The following ZMYND8 variants were observed in gnomAD, a reference collection of about 807,000 sequenced individuals.
The protein encoded by ZMYND8 is MYND-type zinc finger-containing chromatin reader ZMYND8.
ZMYND8 carries 37 observed loss-of-function variants against 140.8 expected under a neutral mutation model. The observed-to-expected ratio is 0.26, with a 90% CI of 0.20 to 0.35. ZMYND8 has a LOEUF of 0.35. Ranked by LOEUF, ZMYND8 falls within the 10% of genes least tolerant of loss-of-function variation. ZMYND8 has a pLI of 1.00. For missense variants in ZMYND8, 1,068 were observed against 1,570.0 expected (o/e 0.68, Z 5.40); for synonymous variants, 592 against 597.1 (o/e 0.99, Z 0.12).
chr20:47,320,668 G>A (rs1416777923), intron 2 of ZMYND8: 6 of 152,264 alleles, frequency 3.9e-5, no homozygotes, highest in Admixed American at 1.3e-4. Flanking sequence ...GGAGTGCAGT[G>A]AGTCGAGATC....
At chr20:47,233,131 T>G (rs796190877) in intron 16 of ZMYND8, among the ~76,000 whole-genome samples, 6 of 151,390 alleles carry the variant, frequency 4.0e-5, no homozygotes, top group African/African-American at 1.5e-4. Flanking sequence ...AGTCTCGAAC[T>G]CCTGACCTCA....
chr20:47,341,828 C>A (rs1176582137), intron 2 of ZMYND8, among the ~76,000 whole-genome samples: 2 of 152,026 alleles, frequency 1.3e-5, no homozygotes, highest in African/African-American at 4.8e-5. Flanking sequence ...ATGGGGAAAC[C>A]CTGTCTCTAC....
At chr20:47,265,634 G>A (rs2075466184) in intron 11 of ZMYND8, among the ~76,000 whole-genome samples, 1 of 152,154 alleles carries the variant, frequency 6.6e-6, no homozygotes, top group African/African-American at 2.4e-5. Flanking sequence ...GTAGAGACGG[G>A]GTTTTGCCAT....
intron 3 of ZMYND8, among the ~76,000 whole-genome samples, chr20:47,303,343 G>GA (rs978149677): frequency 5.9e-5 from 9 of 152,058 alleles, no homozygotes; most frequent in African/African-American, 2.2e-4. Context: ...TGTGGTTTTT[G>GA]AAAGATAACA....
intron 2 of ZMYND8, among the ~76,000 whole-genome samples, chr20:47,344,050 C>T (rs545469795): frequency 8.3e-4 from 125 of 151,086 alleles, no homozygotes; most frequent in African/African-American, 2.8e-3. Flanking sequence ...CTACAACCTC[C>T]GTCTCCACCC....
chr20:47,321,724 T>A (rs943178207), intron 2 of ZMYND8, among the ~76,000 whole-genome samples: 1 of 152,158 alleles, frequency 6.6e-6, no homozygotes, highest in Non-Finnish European at 1.5e-5. Context: ...AGGAAAACTG[T>A]CCCAGGAAGG....
chr20:47,294,534 A>G, intron 5 of ZMYND8, 132 bp downstream of exon 5: 2 of 752,596 alleles, frequency 2.7e-6, no homozygotes, highest in South Asian at 1.7e-5. Flanking sequence ...TGTGATTTAC[A>G]CATACTTGAA....
At chr20:47,211,547 G>C (rs1310571016) in intron 22 of ZMYND8, among the ~76,000 whole-genome samples, 1 of 152,192 alleles carries the variant, frequency 6.6e-6, no homozygotes, top group Non-Finnish European at 1.5e-5. Flanking sequence ...GCTGAGTAGT[G>C]ACTGAGTAAG....
chr20:47,209,421 G>T lies in ZMYND8; in HGVS notation c.*1340C>A, dbSNP rs2034973464. 6.7e-6 allele frequency: 1 copy of T among 150,260 alleles called. No homozygotes were observed. The highest frequency in any genetic ancestry group is 6.6e-5 in the Admixed American group (1 of 15,056). 9.3% of individuals were successfully genotyped at this position (150,260 alleles called of 1,614,324 possible). ...GAAAAAATACTTCCATATGCTAAAA[G>T]CAATTATGCTTCACAAATAAGGCCA... is the stretch of plus-strand genomic sequence containing the variant. On this transcript the variant is annotated 3_prime_UTR_variant, in exon 23 of 23. Transcript: ENST00000471951.
At chr20:47,322,053 G>T (rs2080003724) in intron 2 of ZMYND8, among the ~76,000 whole-genome samples, 1 of 151,758 alleles carries the variant, frequency 6.6e-6, no homozygotes, top group South Asian at 2.1e-4. Flanking sequence ...TAGAGAAGGG[G>T]TCTCGCCATG....
intron 14 of ZMYND8, among the ~76,000 whole-genome samples, chr20:47,245,806 T>C (rs2040499777): frequency 6.6e-6 from 1 of 152,186 alleles, no homozygotes; most frequent in African/African-American, 2.4e-5. Flanking sequence ...GGCAGGCCCA[T>C]GTTTGAGTCC....
chr20:47,315,653 CT>C (rs2079326950), intron 2 of ZMYND8, among the ~76,000 whole-genome samples: 1 of 152,066 alleles, frequency 6.6e-6, no homozygotes, highest in Non-Finnish European at 1.5e-5. Flanking sequence ...TCAATTTTTT[CT>C]TCTTTAATGA....
At chr20:47,218,438 T>C (rs1316466858) in intron 21 of ZMYND8, among the ~76,000 whole-genome samples, 1 of 152,254 alleles carries the variant, frequency 6.6e-6, no homozygotes, top group Non-Finnish European at 1.5e-5. Context: ...GTTCATGTTT[T>C]TATTTTAAAC....
At chr20:47,296,849 A>G (rs2077670970) in intron 4 of ZMYND8, among the ~76,000 whole-genome samples, 1 of 151,784 alleles carries the variant, frequency 6.6e-6, no homozygotes, top group South Asian at 2.1e-4. Context: ...CCAGGTACTC[A>G]GGAGGCTCAG....
Position 47,325,441 on chromosome 20 carries a change from C to T in ZMYND8, c.86-15237G>A, listed in dbSNP as rs140099213. ...AGGTGGGCCAGCCAACCTGACTCAG[C>T]AAACTCCAGTTTTTCTTCCCCAGTC... On this transcript the variant is annotated intron_variant, in intron 2 of 22. Transcript: ENST00000471951. Among the ~76,000 whole-genome samples the T allele has an allele frequency of 4.5e-3, 687 of 152,252 alleles. 5 individuals are homozygous for T. Among genetic ancestry groups the T allele is most frequent in the African/African-American group, 0.016 (659 of 41,552 alleles).
chr20:47,297,191 G>T (rs189826762), intron 4 of ZMYND8, among the ~76,000 whole-genome samples: 10 of 152,130 alleles, frequency 6.6e-5, no homozygotes, highest in African/African-American at 2.4e-4. Context: ...CAAAGAGAAC[G>T]GCAGCCGCCT....
At chr20:47,322,788 G>A (rs2080087353) in intron 2 of ZMYND8, among the ~76,000 whole-genome samples, 1 of 152,066 alleles carries the variant, frequency 6.6e-6, no homozygotes, top group Admixed American at 6.6e-5. Flanking sequence ...CAAGCAGATC[G>A]ACACAGCACG....
At chr20:47,251,177 G>C (rs1432706202) in intron 12 of ZMYND8, among the ~76,000 whole-genome samples, 1 of 152,250 alleles carries the variant, frequency 6.6e-6, no homozygotes, top group East Asian at 1.9e-4. Flanking sequence ...AGCAAAAACA[G>C]TATCTGTGTG....
intron 2 of ZMYND8, among the ~76,000 whole-genome samples, chr20:47,334,745 G>A (rs958552202): frequency 6.6e-6 from 1 of 151,726 alleles, no homozygotes; most frequent in Non-Finnish European, 1.5e-5. Flanking sequence ...GAGTAGCTGG[G>A]ATTACAGGCA....
Sources: allele counts gnomAD v4.1 joint callset (sites outside exome capture counted in the v4.1 genomes callset), GRCh38; gene constraint gnomAD v4.1.1; transcripts MANE v1.5; gene names NCBI Gene and HGNC (gene_info 2026-07-23, HGNC 2026-07-21).